Variants in DLGAP2 observed in about 807,000 individuals in gnomAD.
DLGAP2 encodes disks large-associated protein 2.
A neutral mutation model predicts 100.3 loss-of-function variants in DLGAP2; 26 were observed. The ratio of observed to expected loss-of-function variants is 0.26; its 90% CI spans 0.19 to 0.36. The LOEUF is 0.36. Ranked by LOEUF, DLGAP2 falls within the 10% of genes least tolerant of loss-of-function variation. The pLI, the probability that DLGAP2 is intolerant of heterozygous loss-of-function variation, is 1.00. For missense variants in DLGAP2, 1,858 were observed against 1,453.2 expected (o/e 1.28, Z -4.53); for synonymous variants, 886 against 630.1 (o/e 1.41, Z -6.08).
At chr8:1,679,146 A>G (rs572348874) in intron 12 of DLGAP2, 1 of 150,210 alleles carries the variant, frequency 6.7e-6, no homozygotes, top group African/African-American at 2.5e-5. Context: ...CAGAGTCACC[A>G]CCAAAGGTCT....
chr8:955,314 C>G (rs185548160), intron 2 of DLGAP2, among the ~76,000 whole-genome samples: 8 of 152,220 alleles, frequency 5.3e-5, no homozygotes, highest in African/African-American at 1.7e-4. Flanking sequence ...ATAGTATCCC[C>G]CTTACAGCTT....
At chr8:950,018 C>T (rs1242292034) in intron 2 of DLGAP2, among the ~76,000 whole-genome samples, 2 of 152,222 alleles carry the variant, frequency 1.3e-5, no homozygotes, top group African/African-American at 4.8e-5. Flanking sequence ...CAAATCGCTG[C>T]AATGTGTCCC....
intron 3 of DLGAP2, among the ~76,000 whole-genome samples, chr8:1,375,096 T>A (rs1222276331): frequency 6.8e-6 from 1 of 147,818 alleles, no homozygotes; most frequent in Non-Finnish European, 1.5e-5. Flanking sequence ...ACCTCAGAAC[T>A]GAGCCCCCAC....
At chr8:1,010,338 TATGCACACAC>T (rs1801242684) in intron 2 of DLGAP2, among the ~76,000 whole-genome samples, 2 of 150,624 alleles carry the variant, frequency 1.3e-5, no homozygotes, top group South Asian at 4.2e-4. Flanking sequence ...TGTGCCCACA[TATGCACACAC>T]ATGCACACAC....
At chr8:1,311,923 G>A (rs572353270) in intron 3 of DLGAP2, among the ~76,000 whole-genome samples, 1 of 152,338 alleles carries the variant, frequency 6.6e-6, no homozygotes, top group South Asian at 2.1e-4. Flanking sequence ...ACAACTGCCA[G>A]GAGGAATAGA....
intron 2 of DLGAP2, chr8:1,032,996 A>G (rs1206988959): frequency 1.3e-5 from 2 of 152,280 alleles, no homozygotes; most frequent in Non-Finnish European, 2.9e-5. Flanking sequence ...ATCGTGGGTA[A>G]CTAGCACTGG....
intron 2 of DLGAP2, among the ~76,000 whole-genome samples, chr8:1,257,037 G>A (rs1246293089): frequency 2.0e-5 from 3 of 152,086 alleles, no homozygotes; most frequent in African/African-American, 7.2e-5. Context: ...CGGCCCCGAC[G>A]TCTTCTCTCC....
chr8:1,435,453 C>T (rs888114102), intron 3 of DLGAP2, among the ~76,000 whole-genome samples: 3 of 152,070 alleles, frequency 2.0e-5, no homozygotes, highest in Non-Finnish European at 4.4e-5. Context: ...ACCTCATAGC[C>T]GTCACAATGC....
At chr8:1,691,022 G>A (rs1799246803) in intron 12 of DLGAP2, among the ~76,000 whole-genome samples, 1 of 152,144 alleles carries the variant, frequency 6.6e-6, no homozygotes, top group African/African-American at 2.4e-5. Context: ...TCACAGCACT[G>A]CCAGGAGATA....
At chr8:1,333,711 C>T (rs778585206) in intron 3 of DLGAP2, among the ~76,000 whole-genome samples, 1 of 152,160 alleles carries the variant, frequency 6.6e-6, no homozygotes, top group South Asian at 2.1e-4. Context: ...ATGTGAGACT[C>T]GTCTCAAATT....
chr8:1,254,419 T>G (rs576595020), intron 2 of DLGAP2, among the ~76,000 whole-genome samples: 2 of 152,254 alleles, frequency 1.3e-5, no homozygotes, highest in Admixed American at 1.3e-4. Flanking sequence ...AAGGTCTCAG[T>G]GGTCACATTT....
chr8:1,029,554 G>A (rs1801915669), intron 2 of DLGAP2, among the ~76,000 whole-genome samples: 2 of 131,404 alleles, frequency 1.5e-5, no homozygotes, highest in Admixed American at 8.2e-5. Context: ...GTGTCCAGCA[G>A]TGCTGAGAGG....
At chr8:1,469,616 G>A (rs1405979869) in intron 3 of DLGAP2, among the ~76,000 whole-genome samples, 1 of 152,152 alleles carries the variant, frequency 6.6e-6, no homozygotes, top group Admixed American at 6.5e-5. Flanking sequence ...CAGCTCTTGG[G>A]CAACGTGAAA....
rs951603663 is a variant in DLGAP2 at position 1,283,580 on chromosome 8, T to C, written c.106+24697T>C. Among the ~76,000 whole-genome samples, 6 of 152,238 alleles carry C rather than the reference T, an allele frequency of 3.9e-5. 1 individual carries two copies. The highest frequency in any genetic ancestry group is 1.4e-4 in the African/African-American group (6 of 41,474). ...CTTCGTTATAATTTCCAGTTTTCTA[T>C]TTGTCTTTGCTTAAAATGCAGAAAG... On this transcript the variant is annotated intron_variant, in intron 3 of 14. Transcript: ENST00000637795.
intron 3 of DLGAP2, among the ~76,000 whole-genome samples, chr8:1,410,727 A>G (rs965336752): frequency 1.3e-4 from 20 of 152,188 alleles, no homozygotes; most frequent in Non-Finnish European, 8.8e-5. Flanking sequence ...GTCCAGGTCA[A>G]GGGATCCAGA....
chr8:1,688,878 T>A (rs957423036), intron 12 of DLGAP2, among the ~76,000 whole-genome samples: 3 of 152,204 alleles, frequency 2.0e-5, no homozygotes, highest in African/African-American at 7.2e-5. Context: ...AAATCAAGGT[T>A]ATCTCTGCAA....
At chr8:1,446,523 T>A (rs533596815) in intron 3 of DLGAP2, among the ~76,000 whole-genome samples, 5 of 152,114 alleles carry the variant, frequency 3.3e-5, no homozygotes, top group African/African-American at 1.2e-4. Context: ...AGTCAGGTAG[T>A]GTGATGCCTC....
chr8:836,115 C>A (rs1010173342), intron 1 of DLGAP2, among the ~76,000 whole-genome samples: 1 of 152,204 alleles, frequency 6.6e-6, no homozygotes, highest in African/African-American at 2.4e-5. Flanking sequence ...TGTGTTGTTC[C>A]TGAACGCTTT....
At chr8:1,314,704 C>G (rs182303622) in intron 3 of DLGAP2, among the ~76,000 whole-genome samples, 2 of 152,324 alleles carry the variant, frequency 1.3e-5, no homozygotes, top group Non-Finnish European at 2.9e-5. Context: ...TCTCCCACCC[C>G]TATCCGCCTC....
Sources: allele counts gnomAD v4.1 joint callset (sites outside exome capture counted in the v4.1 genomes callset), GRCh38; gene constraint gnomAD v4.1.1; transcripts MANE v1.5; gene names NCBI Gene and HGNC (gene_info 2026-07-23, HGNC 2026-07-21).